The following NUTM2B variants were observed in gnomAD, a reference collection of about 807,000 sequenced individuals.
NUTM2B encodes NUT family member 2B.
A neutral mutation model predicts 42.4 loss-of-function variants in NUTM2B; 2 were observed. The observed-to-expected ratio is 0.05, with a 90% CI of 0.02 to 0.15. The LOEUF (loss-of-function observed/expected upper bound fraction) is 0.15, where lower values mean the gene tolerates loss of function less well. Among genes scored for constraint, NUTM2B ranks in the 10% least tolerant of loss-of-function variants. The pLI, the probability that NUTM2B is intolerant of heterozygous loss-of-function variation, is 1.00. For missense variants in NUTM2B, 58 were observed against 952.6 expected, an observed-to-expected ratio of 0.06 and a Z score of 12.36; for synonymous variants, 18 against 402.4, an observed-to-expected ratio of 0.04 and a Z score of 11.43.
chr10:79,696,130 C>T, the NUTM2B span, among the ~76,000 whole-genome samples: 1 of 148,422 alleles, frequency 6.7e-6, no homozygotes, highest in Non-Finnish European at 1.5e-5. Flanking sequence ...CATTTGCTTA[C>T]AGATCCTGAA....
upstream of NUTM2B, among the ~76,000 whole-genome samples, chr10:79,701,538 G>A (rs1203792895): frequency 6.6e-6 from 1 of 152,012 alleles, no homozygotes; most frequent in African/African-American, 2.4e-5. Context: ...ACACTGAAGA[G>A]CCTTCACGTT....
the NUTM2B span, among the ~76,000 whole-genome samples, chr10:79,692,373 G>A: frequency 6.6e-6 from 1 of 152,174 alleles, no homozygotes; most frequent in Non-Finnish European, 1.5e-5. Context: ...AGATAAGTAA[G>A]CTGAGGCTCA....
At chr10:79,697,494 T>C in the NUTM2B span, among the ~76,000 whole-genome samples, 1 of 151,098 alleles carries the variant, frequency 6.6e-6, no homozygotes, top group African/African-American at 2.4e-5. Context: ...AACAAGCTTG[T>C]ATCCCTCATT....
At chr10:79,697,727 G>A in the NUTM2B span, among the ~76,000 whole-genome samples, 1 of 125,950 alleles carries the variant, frequency 7.9e-6, no homozygotes, top group Non-Finnish European at 1.6e-5. Context: ...AATCCTATAG[G>A]CATAGGCTCA....
chr10:79,700,170 A>G (rs2132235539), upstream of NUTM2B, among the ~76,000 whole-genome samples: 1 of 152,374 alleles, frequency 6.6e-6, no homozygotes, highest in East Asian at 1.9e-4. Context: ...CTGTTCTTCC[A>G]CTTTGCAGCT....
upstream of NUTM2B, among the ~76,000 whole-genome samples, chr10:79,698,822 G>GT (rs1185294389): frequency 6.7e-6 from 1 of 150,186 alleles, no homozygotes; most frequent in Non-Finnish European, 1.5e-5. Flanking sequence ...CAATACTCAT[G>GT]TATTTGTCTA....
chr10:79,696,030 T>C, the NUTM2B span, among the ~76,000 whole-genome samples: 2 of 144,346 alleles, frequency 1.4e-5, no homozygotes, highest in Admixed American at 6.8e-5. Context: ...TTCTCAACCA[T>C]GCTCCCTGGT....
chr10:79,694,322 C>T, the NUTM2B span, among the ~76,000 whole-genome samples: 3 of 150,234 alleles, frequency 2.0e-5, no homozygotes, highest in Non-Finnish European at 2.9e-5. Flanking sequence ...GCTTAGAACC[C>T]GGGAGGCGGA....
At chr10:79,698,259 C>A (rs1024937541), upstream of NUTM2B, among the ~76,000 whole-genome samples, 3 of 151,890 alleles carry the variant, frequency 2.0e-5, no homozygotes, top group African/African-American at 7.3e-5. Context: ...ACACAAATAT[C>A]CCCAATCCCT....
upstream of NUTM2B, among the ~76,000 whole-genome samples, chr10:79,702,226 G>A (rs1378980841): frequency 1.3e-5 from 2 of 152,298 alleles, no homozygotes; most frequent in African/African-American, 4.8e-5. Flanking sequence ...CAGTGGAAGA[G>A]GGCTGCATGT....
chr10:79,699,218 T>C (rs1840271455), upstream of NUTM2B, among the ~76,000 whole-genome samples: 1 of 151,832 alleles, frequency 6.6e-6, no homozygotes, highest in Admixed American at 6.6e-5. Context: ...CACAAGCACT[T>C]TCTCTGTTAT....
At chr10:79,696,794 C>T in the NUTM2B span, among the ~76,000 whole-genome samples, 6 of 152,164 alleles carry the variant, frequency 3.9e-5, no homozygotes, top group South Asian at 2.1e-4. Flanking sequence ...AGCGCATGCA[C>T]GTCCAGAGAA....
upstream of NUTM2B, among the ~76,000 whole-genome samples, chr10:79,700,069 C>T (rs867804410): frequency 2.0e-5 from 3 of 152,134 alleles, no homozygotes; most frequent in Non-Finnish European, 2.9e-5. Context: ...CATAAGTAAG[C>T]GATTGTCATG....
intron 2 of NUTM2B, among the ~76,000 whole-genome samples, chr10:79,707,268 G>T (rs1211285264): frequency 4.1e-5 from 5 of 121,786 alleles, no homozygotes; most frequent in Non-Finnish European, 9.0e-5. Context: ...TGCCGGGCAG[G>T]TATTTGCATC....
upstream of NUTM2B, among the ~76,000 whole-genome samples, chr10:79,701,010 G>A (rs1448761743): frequency 1.3e-5 from 2 of 152,204 alleles, no homozygotes; most frequent in Non-Finnish European, 2.9e-5. Flanking sequence ...TGCAGTCCAT[G>A]CACTTAGGTA....
At chr10:79,700,073 T>A (rs540635984), upstream of NUTM2B, among the ~76,000 whole-genome samples, 328 of 152,324 alleles carry the variant, frequency 2.2e-3, no homozygotes, top group South Asian at 3.5e-3. Flanking sequence ...AGTAAGCGAT[T>A]GTCATGGAAG....
At chr10:79,711,639 C>G (rs1346755602) in intron 6 of NUTM2B, 61 bp from the exon 7 acceptor site, 3 of 1,597,264 alleles carry the variant, frequency 1.9e-6, no homozygotes, top group Non-Finnish European at 2.6e-6. Context: ...CTGGTCTCCA[C>G]CACCCTGGGC....
the NUTM2B span, among the ~76,000 whole-genome samples, chr10:79,698,215 C>G: frequency 6.7e-6 from 1 of 149,970 alleles, no homozygotes; most frequent in African/African-American, 2.4e-5. Context: ...TATACGCACA[C>G]AACTTTCATA....
upstream of NUTM2B, among the ~76,000 whole-genome samples, chr10:79,701,673 T>C (rs1444195560): frequency 1.3e-5 from 2 of 150,472 alleles, no homozygotes; most frequent in Non-Finnish European, 3.0e-5. Flanking sequence ...CCCTGAGATG[T>C]TCTTTCTCAG....
Sources: allele counts gnomAD v4.1 joint callset (sites outside exome capture counted in the v4.1 genomes callset), GRCh38; gene constraint gnomAD v4.1.1; transcripts MANE v1.5; gene names NCBI Gene and HGNC (gene_info 2026-07-23, HGNC 2026-07-21).